The following RIOX2 variants were observed in gnomAD, a reference collection of about 807,000 sequenced individuals.
RIOX2 encodes ribosomal oxygenase 2, also known as 60S ribosomal protein L27a histidine hydroxylase.
Under a neutral mutation model 51.2 loss-of-function variants are expected in RIOX2, and 43 were observed. The observed-to-expected ratio is 0.84, with a 90% CI of 0.66 to 1.08. The LOEUF (loss-of-function observed/expected upper bound fraction) is 1.08, where lower values mean the gene tolerates loss of function less well. Ranked by LOEUF, RIOX2 falls within the 50% of genes least tolerant of loss-of-function variation. The probability of loss-of-function intolerance (pLI) is 0.00; values close to 1 mark genes in which losing one functional copy is unlikely to be tolerated. For missense variants in RIOX2, 566 were observed against 561.7 expected (o/e 1.01, Z -0.08); for synonymous variants, 226 against 218.5 (o/e 1.03, Z -0.30).
chr3:97,962,751 A>C (rs1379935872), intron 2 of RIOX2, among the ~76,000 whole-genome samples: 2 of 152,194 alleles, frequency 1.3e-5, no homozygotes, highest in African/African-American at 4.8e-5. Context: ...TGCAACCCTC[A>C]CAATAACCCT....
chr3:97,946,693 C>G (rs1477970223), intron 8 of RIOX2, among the ~76,000 whole-genome samples: 1 of 151,040 alleles, frequency 6.6e-6, no homozygotes, highest in Non-Finnish European at 1.5e-5. Flanking sequence ...GAGTGCCCCT[C>G]TCATCCCCCT....
rs751619054 is a variant in RIOX2 at position 97,944,535 on chromosome 3, A to G, written c.*649T>C. The G allele has an allele frequency of 3.9e-5, 6 of 152,376 alleles. No individual in the cohort carries two copies. The highest frequency in any genetic ancestry group is 9.7e-5 in the African/African-American group (4 of 41,414). 9.4% of individuals were successfully genotyped at this position (152,376 alleles called of 1,614,324 possible). ...TTTAGAATGTAAAATAACAATGACT[A>G]TTTTAAACTCGAAGACCCACTATTT... On this transcript the variant is annotated 3_prime_UTR_variant, in exon 10 of 10. Coordinates refer to ENST00000394198, the MANE Select transcript of RIOX2 (RefSeq NM_153182.4).
Position 97,942,468 on chromosome 3 carries a change from T to C in RIOX2, c.*2716A>G. 1 of 1,586,062 alleles carries C rather than the reference T, an allele frequency of 6.3e-7. No individual in the cohort carries two copies. Among genetic ancestry groups the C allele is most frequent in the Non-Finnish European group, 8.6e-7 (1 of 1,163,242 alleles). ...GGTGGGCCTTTGATGATACCCAATG[T>C]TGTGTCCCTGGATATTAGTTTCAGT... On this transcript the variant is annotated 3_prime_UTR_variant, in exon 10 of 10. Coordinates refer to ENST00000394198, the MANE Select transcript of RIOX2 (RefSeq NM_153182.4).
chr3:97,956,205 C>T (rs1284576850), intron 4 of RIOX2, among the ~76,000 whole-genome samples: 1 of 152,174 alleles, frequency 6.6e-6, no homozygotes, highest in African/African-American at 2.4e-5. Flanking sequence ...TATGGGACAA[C>T]TGTCACATAT....
chr3:97,965,539 G>T (rs1479295691), intron 2 of RIOX2, among the ~76,000 whole-genome samples: 1 of 150,256 alleles, frequency 6.7e-6, no homozygotes, highest in Admixed American at 6.6e-5. Context: ...GCACATCCTA[G>T]TCTGGCCTGA....
At chr3:97,947,156 G>GAA (rs1158963704) in intron 8 of RIOX2, among the ~76,000 whole-genome samples, 1 of 152,146 alleles carries the variant, frequency 6.6e-6, no homozygotes, top group African/African-American at 2.4e-5. Context: ...AGGGGATGAA[G>GAA]GAAGGTTCTG....
chr3:97,964,802 T>C (rs1271796237), intron 2 of RIOX2, among the ~76,000 whole-genome samples: 1 of 148,500 alleles, frequency 6.7e-6, no homozygotes, highest in African/African-American at 2.4e-5. Flanking sequence ...TTAAAATATA[T>C]GAAATTACTT....
Position 97,972,382 on chromosome 3 carries a change from C to G in RIOX2, c.-41G>C, listed in dbSNP as rs1366889780. Reference sequence around the variant, plus strand: ...TGCCCACGAGAGCGCCCCACTCACCCGGCACGGCCTGTTGCTCGCGGCCGC... The same window carrying G: ...TGCCCACGAGAGCGCCCCACTCACCGGGCACGGCCTGTTGCTCGCGGCCGC... On this transcript the variant is annotated splice_region_variant and 5_prime_UTR_variant, in exon 1 of 10. Coordinates refer to ENST00000394198, the MANE Select transcript of RIOX2 (RefSeq NM_153182.4). 1 of 151,636 alleles carries G rather than the reference C, an allele frequency of 6.6e-6. No homozygotes were observed. The highest frequency in any genetic ancestry group is 6.6e-5 in the Admixed American group (1 of 15,238). The allele number at this position is 151,636 out of a possible 1,614,324, so 9.4% of individuals were successfully genotyped here.
chr3:97,945,172 T>G lies in RIOX2; in HGVS notation c.*12A>C. The stretch of plus-strand genomic sequence containing the variant: ...GCATATAAAATAGTAGGCATTTGAT[T>G]CTGCAAAGGCACTAGACTACTTGAA... On this transcript the variant is annotated 3_prime_UTR_variant, in exon 10 of 10. Transcript: ENST00000394198. The G allele has an allele frequency of 6.3e-7, 1 of 1,591,556 alleles. No individual in the cohort carries two copies. Among genetic ancestry groups the G allele is most frequent in the Non-Finnish European group, 8.5e-7 (1 of 1,172,120 alleles).
intron 1 of RIOX2, among the ~76,000 whole-genome samples, chr3:97,970,838 A>G (rs542478829): frequency 6.6e-6 from 1 of 152,328 alleles, no homozygotes; most frequent in African/African-American, 2.4e-5. Context: ...CAACAGACAG[A>G]CAGTCACTAT....
intron 4 of RIOX2, among the ~76,000 whole-genome samples, chr3:97,955,972 A>G (rs984037467): frequency 6.6e-6 from 1 of 152,204 alleles, no homozygotes; most frequent in Non-Finnish European, 1.5e-5. Context: ...AATAAATGGT[A>G]CATCTACATA....
intron 8 of RIOX2, among the ~76,000 whole-genome samples, chr3:97,946,604 A>ATATC (rs1553712245): frequency 1.1e-3 from 150 of 139,718 alleles, no homozygotes; most frequent in Middle Eastern, 7.5e-3. Flanking sequence ...ATATATATAT[A>ATATC]TATCTATTCA....
intron 5 of RIOX2, among the ~76,000 whole-genome samples, chr3:97,951,833 G>C (rs1532206): frequency 6.6e-6 from 1 of 152,012 alleles, no homozygotes; most frequent in Non-Finnish European, 1.5e-5. Flanking sequence ...GTGACTTAAT[G>C]TTATATCCAA....
chr3:97,945,092 G>C lies in RIOX2; in HGVS notation c.*92C>G. 8.2e-7 allele frequency: 1 copy of C among 1,217,168 alleles called. No individual in the cohort carries two copies. Among genetic ancestry groups the C allele is most frequent in the Non-Finnish European group, 1.1e-6 (1 of 896,552 alleles). The allele number at this position is 1,217,168 out of a possible 1,614,324, so 75.4% of individuals were successfully genotyped here. ...GTTTGTTAGTAGATACGCAGGTAAG[G>C]AAACTTGAATTCATCCTCTCCTCGG... On this transcript the variant is annotated 3_prime_UTR_variant, in exon 10 of 10. Transcript: ENST00000394198.
chr3:97,948,231 T>C (rs545935901), intron 7 of RIOX2, among the ~76,000 whole-genome samples: 2 of 152,122 alleles, frequency 1.3e-5, no homozygotes, highest in Non-Finnish European at 2.9e-5. Context: ...CCAAAGACTA[T>C]GATAAAAATG....
intron 3 of RIOX2, 106 bp downstream of exon 3, chr3:97,961,483 C>T (rs903681033): frequency 7.1e-6 from 9 of 1,271,910 alleles, no homozygotes; most frequent in Non-Finnish European, 9.6e-6. Flanking sequence ...CGAATACAGA[C>T]CTAAGAGCCT....
chr3:97,954,231 T>C (rs187876335), intron 5 of RIOX2, 161 bp downstream of exon 5: 2 of 601,740 alleles, frequency 3.3e-6, no homozygotes, highest in Non-Finnish European at 6.1e-6. Context: ...ACCAGTCACA[T>C]ACATGGGACA....
intron 5 of RIOX2, chr3:97,952,327 C>T: frequency 1.1e-6 from 1 of 898,888 alleles, no homozygotes; most frequent in Non-Finnish European, 1.6e-6. Flanking sequence ...AAGCAGGCAA[C>T]TTCTGTAACT....
chr3:97,956,276 A>G (rs1320639167), intron 4 of RIOX2, among the ~76,000 whole-genome samples: 1 of 152,154 alleles, frequency 6.6e-6, no homozygotes, highest in African/African-American at 2.4e-5. Flanking sequence ...CATTTCATAC[A>G]CATTTGCCCC....
Sources: gnomAD v4.1 joint callset for allele counts (sites outside exome capture counted in the v4.1 genomes callset) on GRCh38, gnomAD v4.1.1 for gene constraint, MANE v1.5 for transcripts, NCBI Gene and HGNC (gene_info 2026-07-23, HGNC 2026-07-21) for gene names.